Variants in TTC6 observed in about 807,000 individuals in gnomAD.
The protein encoded by TTC6 is tetratricopeptide repeat domain 6.
Under a neutral mutation model 210.4 loss-of-function variants are expected in TTC6, and 172 were observed. The ratio of observed to expected loss-of-function variants is 0.82; its 90% CI spans 0.72 to 0.93. The LOEUF is 0.93. Ranked by LOEUF, TTC6 falls within the 40% of genes least tolerant of loss-of-function variation. The pLI is 0.00. For missense variants in TTC6, 2,414 were observed against 2,318.1 expected (o/e 1.04, Z -0.85); for synonymous variants, 804 against 819.6 (o/e 0.98, Z 0.32).
At chr14:37,634,221 C>T (rs1178916302) in intron 1 of TTC6, among the ~76,000 whole-genome samples, 1 of 151,910 alleles carries the variant, frequency 6.6e-6, no homozygotes, top group East Asian at 1.9e-4. Flanking sequence ...TATGAATGTA[C>T]TTGAAACAAA....
chr14:37,832,090 A>C (rs2096186612), intron 29 of TTC6, among the ~76,000 whole-genome samples: 1 of 152,064 alleles, frequency 6.6e-6, no homozygotes, highest in Admixed American at 6.6e-5. Context: ...AGTTAAGTCT[A>C]ATCCATTTTG....
rs2095666982 is a variant in TTC6 at position 37,630,193 on chromosome 14, T to C, written c.939+7190T>C. Among the ~76,000 whole-genome samples the C allele has an allele frequency of 2.0e-5, 3 of 152,228 alleles. No individual in the cohort carries two copies. The South Asian group carries it at 6.2e-4, about 32-fold the overall frequency. Reference sequence around the variant, plus strand: ...TGTTAGGGTATAGATTTTAGATCTTTCCTGCTTTCTCCTGTGGACATTTAG... The same window carrying C: ...TGTTAGGGTATAGATTTTAGATCTTCCCTGCTTTCTCCTGTGGACATTTAG... On this transcript the variant is annotated intron_variant, in intron 1 of 30. Coordinates refer to ENST00000553443, the Ensembl canonical transcript of TTC6.
chr14:37,719,338 G>A (rs1416240577), intron 6 of TTC6, among the ~76,000 whole-genome samples: 1 of 147,424 alleles, frequency 6.8e-6, no homozygotes, highest in African/African-American at 2.5e-5. Context: ...TTTTTTTTTT[G>A]TACATGTAAA....
chr14:37,842,323 C>T, exon 31 of TTC6: 1 of 1,491,082 alleles, frequency 6.7e-7, no homozygotes, highest in Non-Finnish European at 8.9e-7. Flanking sequence ...TAGTAGTTTA[C>T]ACAGCTGTTC....
intron 6 of TTC6, among the ~76,000 whole-genome samples, chr14:37,717,815 A>G (rs908868743): frequency 6.6e-6 from 1 of 152,226 alleles, no homozygotes; most frequent in African/African-American, 2.4e-5. Context: ...CTATGGTTCA[A>G]ATGTTTGTCT....
At chr14:37,818,167 A>T (rs1202917458) in intron 26 of TTC6, among the ~76,000 whole-genome samples, 2 of 152,164 alleles carry the variant, frequency 1.3e-5, no homozygotes, top group Non-Finnish European at 2.9e-5. Context: ...AAAAAACACA[A>T]TACGTAAAGC....
chr14:37,628,172 T>C (rs923891439), intron 1 of TTC6, among the ~76,000 whole-genome samples: 1 of 152,182 alleles, frequency 6.6e-6, no homozygotes, highest in Non-Finnish European at 1.5e-5. Flanking sequence ...TTTTACCATG[T>C]TGGTCATGCT....
chr14:37,610,946 A>C (rs2139249295), intron 2 of TTC6, among the ~76,000 whole-genome samples: 1 of 152,334 alleles, frequency 6.6e-6, no homozygotes, highest in Admixed American at 6.5e-5. Context: ...TATTCTTTTA[A>C]ACGCAGAAAG....
chr14:37,818,813 C>G (rs1028412384), intron 26 of TTC6, among the ~76,000 whole-genome samples: 2 of 152,136 alleles, frequency 1.3e-5, no homozygotes, highest in African/African-American at 4.8e-5. Context: ...CAATCTATCT[C>G]TTTAAGTAAT....
At chr14:37,656,584 C>A (rs2095723877) in intron 1 of TTC6, among the ~76,000 whole-genome samples, 1 of 150,820 alleles carries the variant, frequency 6.6e-6, no homozygotes. Context: ...GAGAGGATTG[C>A]CTTTACTTCA....
chr14:37,839,864 A>G (rs1271249074), intron 29 of TTC6, among the ~76,000 whole-genome samples: 6 of 152,160 alleles, frequency 3.9e-5, no homozygotes, highest in African/African-American at 1.4e-4. Context: ...CTTTCTGCAT[A>G]TGGCTAGCCG....
intron 1 of TTC6, among the ~76,000 whole-genome samples, chr14:37,657,289 A>G (rs1206151302): frequency 6.8e-6 from 1 of 147,694 alleles, no homozygotes; most frequent in Non-Finnish European, 1.5e-5. Context: ...GTGTTTAAGG[A>G]GTGGCATTTT....
At position 37,637,442 on chromosome 14, in the gene TTC6, A is replaced by G. The variant is rs182276139; in HGVS notation, c.939+14439A>G. 3.2e-4 allele frequency among the ~76,000 whole-genome samples: 49 copies of G among 152,296 alleles called. 1 individual carries two copies. In the East Asian group the frequency reaches 4.1e-3, roughly 13 times the overall value. ...AAAGGACTGGTATCTTGAATTTATAAAGAACTCTCAAAACTCTACAGTAGA... is the reference window on the plus strand; with the variant it reads ...AAAGGACTGGTATCTTGAATTTATAGAGAACTCTCAAAACTCTACAGTAGA... On this transcript the variant is annotated intron_variant, in intron 1 of 30. Coordinates refer to ENST00000553443, the Ensembl canonical transcript of TTC6.
intron 10 of TTC6, among the ~76,000 whole-genome samples, chr14:37,746,576 T>C (rs1357355682): frequency 1.3e-5 from 2 of 152,104 alleles, no homozygotes; most frequent in Non-Finnish European, 2.9e-5. Flanking sequence ...ACCCTTCACT[T>C]AGAGTATTCC....
chr14:37,768,801 C>T (rs1194460245), intron 14 of TTC6, among the ~76,000 whole-genome samples: 1 of 152,024 alleles, frequency 6.6e-6, no homozygotes, highest in African/African-American at 2.4e-5. Flanking sequence ...ATTTCCTTCT[C>T]CTGCCTGATT....
At chr14:37,696,652 T>C in intron 3 of TTC6, 65 bp from the exon 6 acceptor site, 1 of 732,754 alleles carries the variant, frequency 1.4e-6, no homozygotes, top group Non-Finnish European at 2.0e-6. Flanking sequence ...TCGCTAAATA[T>C]GAGAGAAAGA....
intron 1 of TTC6, among the ~76,000 whole-genome samples, chr14:37,672,746 TG>T (rs2095760700): frequency 6.6e-6 from 1 of 152,138 alleles, no homozygotes; most frequent in Non-Finnish European, 1.5e-5. Flanking sequence ...TATCATATTC[TG>T]GAAACATTTT....
intron 20 of TTC6, among the ~76,000 whole-genome samples, chr14:37,804,130 T>A (rs576682082): frequency 6.6e-6 from 1 of 152,288 alleles, no homozygotes; most frequent in Non-Finnish European, 1.5e-5. Context: ...TTTGAACATT[T>A]TCATTAATGA....
At chr14:37,710,136 G>T (rs2095842330) in intron 5 of TTC6, among the ~76,000 whole-genome samples, 1 of 152,140 alleles carries the variant, frequency 6.6e-6, no homozygotes, top group African/African-American at 2.4e-5. Context: ...ACCTAAGAGT[G>T]ACTGTGAGCA....
Sources: allele counts gnomAD v4.1 joint callset (sites outside exome capture counted in the v4.1 genomes callset), GRCh38; gene constraint gnomAD v4.1.1; transcripts MANE v1.5; gene names NCBI Gene and HGNC (gene_info 2026-07-23, HGNC 2026-07-21).